MAST2: variants seen among roughly 807,000 people sequenced by gnomAD.
MAST2 encodes microtubule associated serine/threonine kinase 2.
A neutral mutation model predicts 147.4 loss-of-function variants in MAST2; 70 were observed. The observed-to-expected ratio is 0.47, with a 90% CI of 0.39 to 0.58. The LOEUF (loss-of-function observed/expected upper bound fraction) is 0.58, where lower values mean the gene tolerates loss of function less well. Among genes scored for constraint, MAST2 ranks in the 20% least tolerant of loss-of-function variants. MAST2 has a pLI of 0.00. For synonymous variants in MAST2, 869 were observed against 896.8 expected, an observed-to-expected ratio of 0.97 and a Z score of 0.55; for missense variants, 2,080 against 2,302.3, an observed-to-expected ratio of 0.90 and a Z score of 1.98.
At chr1:45,944,095 A>G (rs1465636911) in intron 4 of MAST2, among the ~76,000 whole-genome samples, 1 of 152,192 alleles carries the variant, frequency 6.6e-6, no homozygotes, top group East Asian at 1.9e-4. Context: ...TTTTCTAGCG[A>G]CAGTCTTCTT....
chr1:45,954,526 C>T (rs929172371), intron 4 of MAST2, among the ~76,000 whole-genome samples: 15 of 152,104 alleles, frequency 9.9e-5, no homozygotes, highest in Non-Finnish European at 2.9e-5. Context: ...GAGGTAGCTC[C>T]GGGGGCTTCC....
chr1:45,925,412 A>G (rs1277223823), intron 4 of MAST2, among the ~76,000 whole-genome samples: 1 of 152,198 alleles, frequency 6.6e-6, no homozygotes, highest in Non-Finnish European at 1.5e-5. Context: ...CCTTTACTCC[A>G]TTTGCATGTC....
intron 3 of MAST2, among the ~76,000 whole-genome samples, chr1:45,833,147 G>A (rs993960550): frequency 1.3e-5 from 2 of 152,060 alleles, no homozygotes; most frequent in Non-Finnish European, 2.9e-5. Flanking sequence ...GTATTTTGTT[G>A]TATGTATATA....
intron 5 of MAST2, among the ~76,000 whole-genome samples, chr1:45,964,040 C>T (rs566642055): frequency 1.4e-4 from 22 of 152,304 alleles, no homozygotes; most frequent in African/African-American, 5.3e-4. Context: ...GTATGTTGAA[C>T]CAGCCTTGCA....
In MAST2 at chr1:46,031,363, G is replaced by A. The variant is rs200161517; in HGVS notation, c.2993-28G>A. The A allele has an allele frequency of 1.2e-5, 19 of 1,593,194 alleles. No individual in the cohort carries two copies. Among genetic ancestry groups the A allele is most frequent in the African/African-American group, 6.7e-5 (5 of 74,680 alleles). On this transcript the variant is annotated intron_variant, in intron 23 of 28. Coordinates refer to ENST00000361297, the MANE Select transcript of MAST2 (RefSeq NM_015112.3). The surrounding 1 kb of genome is among the most constrained non-coding windows in gnomAD (Gnocchi z 4.1). ...GGGCAGGGAGGCTCAGCGGCATCGC[G>A]GGTCTCACTGCTTACTTGGGCCTAC...
chr1:45,818,169 GT>G (rs1218998126), intron 1 of MAST2, among the ~76,000 whole-genome samples: 1 of 152,176 alleles, frequency 6.6e-6, no homozygotes, highest in Non-Finnish European at 1.5e-5. Flanking sequence ...GGTCCTTTTT[GT>G]TGACCAATGC....
chr1:45,881,473 T>A (rs1221852201), intron 3 of MAST2, among the ~76,000 whole-genome samples: 1 of 152,222 alleles, frequency 6.6e-6, no homozygotes, highest in Non-Finnish European at 1.5e-5. Context: ...TGAAAATATT[T>A]AAAAAATTAA....
intron 3 of MAST2, among the ~76,000 whole-genome samples, chr1:45,830,148 C>G (rs1002692708): frequency 1.1e-4 from 16 of 149,176 alleles, no homozygotes; most frequent in African/African-American, 3.7e-4. Context: ...TGGGCCACCA[C>G]TCCCGGCCTT....
intron 5 of MAST2, among the ~76,000 whole-genome samples, chr1:45,968,699 GGTATTTTCT>G (rs1643749010): frequency 6.6e-6 from 1 of 151,378 alleles, no homozygotes; most frequent in East Asian, 1.9e-4. Context: ...TATCCTGCTT[GGTATTTTCT>G]GAGTTTCCTG....
intron 1 of MAST2, among the ~76,000 whole-genome samples, chr1:45,822,892 C>G (rs1644679559): frequency 6.6e-6 from 1 of 152,194 alleles, no homozygotes; most frequent in Non-Finnish European, 1.5e-5. Context: ...TTGCTACCTT[C>G]TGTTTTTGCA....
intron 5 of MAST2, among the ~76,000 whole-genome samples, chr1:45,975,432 G>T (rs1375598949): frequency 1.4e-5 from 2 of 147,440 alleles, no homozygotes; most frequent in Non-Finnish European, 3.0e-5. Flanking sequence ...GCCAAGGTGG[G>T]AGGATCACTT....
chr1:46,009,176 T>TC (rs1451285274), intron 9 of MAST2, among the ~76,000 whole-genome samples: 1 of 152,204 alleles, frequency 6.6e-6, no homozygotes, highest in African/African-American at 2.4e-5. Flanking sequence ...TGCCTCAGCC[T>TC]CCCGAGATGC....
intron 10 of MAST2, chr1:46,011,233 G>A (rs1645702544): frequency 2.7e-6 from 1 of 372,204 alleles, no homozygotes. Flanking sequence ...TATTTGACTA[G>A]GAGGTTTGCT....
intron 4 of MAST2, among the ~76,000 whole-genome samples, chr1:45,945,403 A>C (rs1446254333): frequency 6.6e-6 from 1 of 152,242 alleles, no homozygotes; most frequent in Non-Finnish European, 1.5e-5. Flanking sequence ...TAAAAAGATA[A>C]AACAACAACC....
intron 4 of MAST2, among the ~76,000 whole-genome samples, chr1:45,919,340 T>C (rs770013245): frequency 5.3e-4 from 80 of 152,042 alleles, no homozygotes; most frequent in Non-Finnish European, 9.6e-4. Flanking sequence ...TAAAATGAAT[T>C]AGCTATTCAT....
chr1:45,984,442 A>C (rs1027671975), intron 5 of MAST2, among the ~76,000 whole-genome samples: 2 of 151,830 alleles, frequency 1.3e-5, no homozygotes, highest in Admixed American at 6.6e-5. Context: ...AAGTACGACC[A>C]CAGATGCACA....
chr1:46,027,946 CT>C, intron 17 of MAST2, 83 bp downstream of exon 17: 1 of 1,521,446 alleles, frequency 6.6e-7, no homozygotes, highest in South Asian at 1.2e-5. Flanking sequence ...AATCCCAACC[CT>C]TTGGGAGGCT....
chr1:45,840,263 A>G (rs1055760249), intron 3 of MAST2, among the ~76,000 whole-genome samples: 9 of 152,354 alleles, frequency 5.9e-5, no homozygotes, highest in African/African-American at 2.2e-4. Flanking sequence ...TTTAATACAT[A>G]TCACTACCTT....
At chr1:46,022,138 A>C in intron 12 of MAST2, 56 bp downstream of exon 12, 1 of 1,602,114 alleles carries the variant, frequency 6.2e-7, no homozygotes, top group Middle Eastern at 1.8e-4. Flanking sequence ...GCAAGCTCTA[A>C]CAGCAGGGAA....
Sources: gnomAD v4.1 joint callset for allele counts (sites outside exome capture counted in the v4.1 genomes callset) on GRCh38, gnomAD v4.1.1 for gene constraint, Gnocchi (gnomAD v3.1) non-coding constraint, MANE v1.5 for transcripts, NCBI Gene and HGNC (gene_info 2026-07-23, HGNC 2026-07-21) for gene names.